ANO6: variants seen among roughly 807,000 people sequenced by gnomAD.
The protein encoded by ANO6 is anoctamin-6.
A neutral mutation model predicts 117.5 loss-of-function variants in ANO6; 106 were observed. That is an observed-to-expected ratio of 0.90 (90% confidence interval 0.77 to 1.06). The LOEUF is 1.06. Ranked by LOEUF, ANO6 falls within the 50% of genes least tolerant of loss-of-function variation. The pLI, the probability that ANO6 is intolerant of heterozygous loss-of-function variation, is 0.00. For missense variants in ANO6, 955 were observed against 1,121.1 expected, an observed-to-expected ratio of 0.85 and a Z score of 2.12; for synonymous variants, 367 against 385.1, an observed-to-expected ratio of 0.95 and a Z score of 0.55.
At chr12:45,253,819 G>T (rs974556932) in intron 1 of ANO6, among the ~76,000 whole-genome samples, 1 of 152,112 alleles carries the variant, frequency 6.6e-6, no homozygotes. Flanking sequence ...TTTGGTTTAC[G>T]CTTTAGGTTT....
At chr12:45,314,474 T>C (rs550751693) in intron 2 of ANO6, among the ~76,000 whole-genome samples, 1,526 of 144,874 alleles carry the variant, frequency 0.011, 30 homozygotes, top group African/African-American at 0.036. Flanking sequence ...ATATTATATA[T>C]ACACACACAC....
chr12:45,348,364 G>A (rs781529596), intron 5 of ANO6, 49 bp downstream of exon 5: 6 of 1,611,270 alleles, frequency 3.7e-6, no homozygotes, highest in Admixed American at 3.3e-5. Flanking sequence ...TTTGGAACCT[G>A]CTGTTTTGTG....
At chr12:45,262,070 A>G (rs1938056570) in intron 1 of ANO6, among the ~76,000 whole-genome samples, 2 of 152,144 alleles carry the variant, frequency 1.3e-5, no homozygotes, top group African/African-American at 2.4e-5. Flanking sequence ...TCTTTTTCCA[A>G]TTATACATAT....
At chr12:45,261,035 G>T (rs1228351470) in intron 1 of ANO6, among the ~76,000 whole-genome samples, 1 of 151,996 alleles carries the variant, frequency 6.6e-6, no homozygotes, top group Non-Finnish European at 1.5e-5. Context: ...GCCCAGGCTG[G>T]TCTTGAAATC....
chr12:45,423,490 A>G lies in ANO6; in HGVS notation c.2526+428A>G, dbSNP rs575517194. On this transcript the variant is annotated intron_variant, in intron 19 of 19. Transcript: ENST00000320560. ...ATTGATCTAGCCAACTGTGCTTCCT[A>G]TGCAGAGTGAGTTAACTACTGCCAA... is the stretch of plus-strand genomic sequence containing the variant. 2.4e-4 allele frequency among the ~76,000 whole-genome samples: 36 copies of G among 152,362 alleles called. No individual in the cohort carries two copies. In the South Asian group the frequency reaches 7.2e-3, roughly 31 times the overall value.
Position 45,429,978 on chromosome 12 carries a change from C to A in ANO6, c.*667C>A. The A allele has an allele frequency of 3.0e-6, 3 of 986,530 alleles. No individual in the cohort carries two copies. The highest frequency in any genetic ancestry group is 3.6e-6 in the Non-Finnish European group (3 of 830,748). 61.1% of individuals were successfully genotyped at this position (986,530 alleles called of 1,614,324 possible). A position where few individuals can be genotyped will look rare whatever the true frequency, so the allele number is the denominator to read the frequency against. Reference sequence around the variant, plus strand: ...TTTGAAGCATATTTGTCCTAATCCACAGTGACACTTTTTATCTTCCAGGAG... The same window carrying A: ...TTTGAAGCATATTTGTCCTAATCCAAAGTGACACTTTTTATCTTCCAGGAG... On this transcript the variant is annotated 3_prime_UTR_variant, in exon 20 of 20. Transcript: ENST00000320560.
chr12:45,355,646 G>A (rs548992105), intron 7 of ANO6, among the ~76,000 whole-genome samples: 2 of 152,268 alleles, frequency 1.3e-5, no homozygotes, highest in African/African-American at 4.8e-5. Flanking sequence ...ATGAGCCAGA[G>A]AGCAAAGCTC....
intron 1 of ANO6, among the ~76,000 whole-genome samples, chr12:45,225,555 C>T (rs1353544565): frequency 6.6e-6 from 1 of 151,580 alleles, no homozygotes; most frequent in Non-Finnish European, 1.5e-5. Flanking sequence ...GTGGCAAGAT[C>T]TGGGCTCACT....
chr12:45,363,289 T>A (rs1330658506), intron 8 of ANO6, among the ~76,000 whole-genome samples: 1 of 152,048 alleles, frequency 6.6e-6, no homozygotes, highest in Non-Finnish European at 1.5e-5. Context: ...CTGGGCTGAG[T>A]GCGGTGGCTC....
intron 2 of ANO6, among the ~76,000 whole-genome samples, chr12:45,315,332 G>C (rs540191808): frequency 6.4e-4 from 97 of 152,112 alleles, no homozygotes; most frequent in Admixed American, 3.0e-3. Flanking sequence ...GATGCATGAG[G>C]AACTGGGGGA....
At chr12:45,347,555 T>C (rs1941169388) in intron 4 of ANO6, 1 of 183,260 alleles carries the variant, frequency 5.5e-6, no homozygotes. Context: ...GCTTTTTCCC[T>C]TTAATATATA....
At chr12:45,303,914 T>C (rs1332612444) in intron 2 of ANO6, among the ~76,000 whole-genome samples, 1 of 152,216 alleles carries the variant, frequency 6.6e-6, no homozygotes, top group East Asian at 1.9e-4. Flanking sequence ...ATTGTTAGAC[T>C]GCATTGATGG....
chr12:45,319,567 C>A (rs556067394), intron 2 of ANO6, among the ~76,000 whole-genome samples: 1 of 152,278 alleles, frequency 6.6e-6, no homozygotes, highest in Admixed American at 6.5e-5. Context: ...GGATATTGGT[C>A]TAAAATTCTT....
chr12:45,389,285 TC>T (rs1250060868), intron 11 of ANO6, among the ~76,000 whole-genome samples: 2 of 152,106 alleles, frequency 1.3e-5, no homozygotes, highest in Non-Finnish European at 2.9e-5. Flanking sequence ...CTTCAAATAA[TC>T]CCCATTATGA....
At chr12:45,285,800 G>A (rs564753497) in intron 1 of ANO6, among the ~76,000 whole-genome samples, 14 of 152,270 alleles carry the variant, frequency 9.2e-5, no homozygotes, top group Admixed American at 9.1e-4. Flanking sequence ...CAATGGGATG[G>A]TCTGGAGAGG....
intron 11 of ANO6, among the ~76,000 whole-genome samples, chr12:45,389,973 C>G (rs1248861061): frequency 1.3e-5 from 2 of 152,026 alleles, no homozygotes; most frequent in Non-Finnish European, 2.9e-5. Context: ...AATGGAAATC[C>G]TCTAAAAATT....
intron 9 of ANO6, among the ~76,000 whole-genome samples, chr12:45,375,260 G>C (rs928915758): frequency 1.3e-5 from 2 of 152,126 alleles, no homozygotes; most frequent in Admixed American, 6.5e-5. Flanking sequence ...AATCAATATC[G>C]TGAAAATGGC....
intron 1 of ANO6, among the ~76,000 whole-genome samples, chr12:45,271,404 T>C (rs373554159): frequency 6.6e-6 from 1 of 152,208 alleles, no homozygotes; most frequent in African/African-American, 2.4e-5. Context: ...GACTGATTAT[T>C]TGATGCAAAA....
At chr12:45,301,877 C>T (rs1347521841) in intron 1 of ANO6, 137 bp from the exon 2 acceptor site, 2 of 727,580 alleles carry the variant, frequency 2.7e-6, no homozygotes, top group Admixed American at 4.6e-5. Context: ...TATCTGATAG[C>T]TGAAAGGGTT....
Sources: allele counts gnomAD v4.1 joint callset (sites outside exome capture counted in the v4.1 genomes callset), GRCh38; gene constraint gnomAD v4.1.1; transcripts MANE v1.5; gene names NCBI Gene and HGNC (gene_info 2026-07-23, HGNC 2026-07-21).